Variants in ZSCAN25 observed in about 807,000 individuals in gnomAD.
ZSCAN25 encodes zinc finger and SCAN domain-containing protein 25.
A neutral mutation model predicts 38.7 loss-of-function variants in ZSCAN25; 27 were observed. The observed-to-expected ratio is 0.70, with a 90% CI of 0.51 to 0.96. The LOEUF (loss-of-function observed/expected upper bound fraction) is 0.96. Ranked by LOEUF, ZSCAN25 falls within the 40% of genes least tolerant of loss-of-function variation. ZSCAN25 has a pLI of 0.00. For missense variants in ZSCAN25, 637 were observed against 705.9 expected, an observed-to-expected ratio of 0.90 and a Z score of 1.11; for synonymous variants, 273 against 277.7, an observed-to-expected ratio of 0.98 and a Z score of 0.17.
At chr7:99,699,395 CG>C in the ZSCAN25 span, among the ~76,000 whole-genome samples, 1 of 151,954 alleles carries the variant, frequency 6.6e-6, no homozygotes, top group African/African-American at 2.4e-5. Flanking sequence ...AGGGAAGAGC[CG>C]GGGGACAGCT....
chr7:99,650,429 T>C, the ZSCAN25 span, among the ~76,000 whole-genome samples: 11 of 152,230 alleles, frequency 7.2e-5, no homozygotes, highest in African/African-American at 1.9e-4. Flanking sequence ...CTTTAAATTC[T>C]CCATACCCTA....
At chr7:99,663,179 G>A in the ZSCAN25 span, 32 of 1,131,616 alleles carry the variant, frequency 2.8e-5, no homozygotes, top group Non-Finnish European at 3.4e-5. Flanking sequence ...AAGAGTTGCC[G>A]GTTCCATCTC....
the ZSCAN25 span, chr7:99,714,729 CA>C: frequency 1.9e-6 from 3 of 1,595,700 alleles, no homozygotes; most frequent in South Asian, 1.1e-5. Flanking sequence ...TGTGAACATA[CA>C]AAATTTACCT....
chr7:99,654,980 C>A, the ZSCAN25 span, among the ~76,000 whole-genome samples: 1 of 152,004 alleles, frequency 6.6e-6, no homozygotes, highest in Admixed American at 6.6e-5. Context: ...GGATATTAGC[C>A]CTTTGTCAGA....
At chr7:99,638,314 G>A in the ZSCAN25 span, 4 of 1,605,476 alleles carry the variant, frequency 2.5e-6, no homozygotes, top group Non-Finnish European at 2.6e-6. Flanking sequence ...CAGGAGGGCT[G>A]CCCATACCAG....
the ZSCAN25 span, among the ~76,000 whole-genome samples, chr7:99,734,496 A>G: frequency 2.6e-5 from 4 of 152,238 alleles, no homozygotes; most frequent in Non-Finnish European, 4.4e-5. Flanking sequence ...TTTCCACTAA[A>G]GATGAATGGG....
chr7:99,712,507 A>G, the ZSCAN25 span, among the ~76,000 whole-genome samples: 1 of 152,248 alleles, frequency 6.6e-6, no homozygotes, highest in African/African-American at 2.4e-5. Flanking sequence ...GCAGTGCTCA[A>G]TAGCTATATG....
chr7:99,658,306 GT>G, the ZSCAN25 span, among the ~76,000 whole-genome samples: 2 of 152,070 alleles, frequency 1.3e-5, no homozygotes, highest in Non-Finnish European at 2.9e-5. Flanking sequence ...GCATTTGCTT[GT>G]CTGTAAAGTA....
Position 99,632,233 on chromosome 7 carries a change from C to T in ZSCAN25, c.*2213C>T. ...AAAAGCCTCTAAGTAGGGGGTTTTT[C>T]CCATGGGATTGTGGTAGTCTGATTT... On this transcript the variant is annotated 3_prime_UTR_variant, in exon 8 of 8. Transcript: ENST00000394152. 1 of 985,108 alleles carries T rather than the reference C, an allele frequency of 1.0e-6. No homozygotes were observed. The highest frequency in any genetic ancestry group is 1.2e-6 in the Non-Finnish European group (1 of 829,768). The allele number at this position is 985,108 out of a possible 1,614,324, so 61.0% of individuals were successfully genotyped here.
At chr7:99,685,725 T>C in the ZSCAN25 span, among the ~76,000 whole-genome samples, 2 of 152,214 alleles carry the variant, frequency 1.3e-5, no homozygotes, top group African/African-American at 2.4e-5. Flanking sequence ...CGTCCACATT[T>C]GCTATTGTAA....
At chr7:99,647,518 G>A in the ZSCAN25 span, 31 of 985,318 alleles carry the variant, frequency 3.1e-5, no homozygotes, top group African/African-American at 1.7e-4. Flanking sequence ...AATGCAAGAC[G>A]TATAAGAAAA....
chr7:99,684,169 A>T, the ZSCAN25 span, among the ~76,000 whole-genome samples: 1 of 137,082 alleles, frequency 7.3e-6, no homozygotes, highest in Non-Finnish European at 1.6e-5. Context: ...AAAAGGCATA[A>T]TTTTTTTTTT....
chr7:99,624,527 T>G (rs1462729918), intron 7 of ZSCAN25: 1 of 269,440 alleles, frequency 3.7e-6, no homozygotes, highest in Non-Finnish European at 7.4e-6. Flanking sequence ...CAGATATTTA[T>G]TGAGTGCTCC....
chr7:99,701,262 G>A, the ZSCAN25 span, among the ~76,000 whole-genome samples: 791 of 152,282 alleles, frequency 5.2e-3, 9 homozygotes, highest in East Asian at 0.023. Flanking sequence ...TTCCAGCCAC[G>A]TTATTATAAA....
the ZSCAN25 span, chr7:99,730,737 G>A: frequency 3.1e-6 from 1 of 322,582 alleles, no homozygotes; most frequent in Non-Finnish European, 5.9e-6. Context: ...ACTAAGTATG[G>A]CTGTACCTTC....
intron 7 of ZSCAN25, among the ~76,000 whole-genome samples, chr7:99,625,848 C>T (rs1262485731): frequency 6.6e-6 from 1 of 152,232 alleles, no homozygotes; most frequent in Admixed American, 6.5e-5. Context: ...AAGCCCATAC[C>T]TGAACATTTC....
chr7:99,622,460 A>C (rs7808022), intron 5 of ZSCAN25, 89 bp from the exon 6 acceptor site: 153,195 of 1,194,452 alleles, frequency 0.13, 21,054 homozygotes, highest in African/African-American at 0.59. Context: ...TGAGGTTGTG[A>C]GCATCTGGTA....
the ZSCAN25 span, among the ~76,000 whole-genome samples, chr7:99,725,849 G>T: frequency 6.6e-6 from 1 of 152,090 alleles, no homozygotes. Flanking sequence ...CGATAGGGGG[G>T]ATACCCACTC....
At chr7:99,689,190 A>C in the ZSCAN25 span, among the ~76,000 whole-genome samples, 8 of 152,352 alleles carry the variant, frequency 5.3e-5, no homozygotes, top group South Asian at 1.5e-3. Flanking sequence ...AAGGAAATAG[A>C]GACACAAAAA....
Sources: allele counts gnomAD v4.1 joint callset (sites outside exome capture counted in the v4.1 genomes callset), GRCh38; gene constraint gnomAD v4.1.1; transcripts MANE v1.5; gene names NCBI Gene and HGNC (gene_info 2026-07-23, HGNC 2026-07-21).